Variants in HSPBAP1 observed in about 807,000 individuals in gnomAD.
HSPBAP1 encodes the protein HSPB1 associated protein 1.
Under a neutral mutation model 45.2 loss-of-function variants are expected in HSPBAP1, and 27 were observed. That is an observed-to-expected ratio of 0.60 (90% confidence interval 0.44 to 0.82). HSPBAP1 has a LOEUF of 0.82. Ranked by LOEUF, HSPBAP1 falls within the 40% of genes least tolerant of loss-of-function variation. The probability of loss-of-function intolerance (pLI) is 0.00; values close to 1 mark genes in which losing one functional copy is unlikely to be tolerated. For missense variants in HSPBAP1, 510 were observed against 590.9 expected, an observed-to-expected ratio of 0.86 and a Z score of 1.42; for synonymous variants, 204 against 202.7, an observed-to-expected ratio of 1.01 and a Z score of -0.06.
chr3:122,781,082 G>A (rs10238812), intron 1 of HSPBAP1, among the ~76,000 whole-genome samples: 14,779 of 150,876 alleles, frequency 0.098, 735 homozygotes, highest in East Asian at 0.12. Context: ...TGGGCAGCCG[G>A]GCAGAGGGGC....
At chr3:122,759,177 T>C (rs376674251) in intron 4 of HSPBAP1, 47 bp downstream of exon 4, 121 of 1,450,600 alleles carry the variant, frequency 8.3e-5, no homozygotes, top group Non-Finnish European at 1.1e-4. Flanking sequence ...TGCATGCACA[T>C]GTGCGTTCCA....
intron 2 of HSPBAP1, among the ~76,000 whole-genome samples, chr3:122,769,480 G>A (rs1014507307): frequency 2.0e-5 from 3 of 152,050 alleles, no homozygotes; most frequent in African/African-American, 7.2e-5. Flanking sequence ...TGGAGTCAGT[G>A]GATTGACACA....
chr3:122,754,639 T>C, intron 5 of HSPBAP1: 1 of 985,206 alleles, frequency 1.0e-6, no homozygotes, highest in Non-Finnish European at 1.2e-6. Flanking sequence ...GAATAAAATC[T>C]TCTTAAGTGA....
Position 122,793,664 on chromosome 3 carries a change from T to C in HSPBAP1, c.17A>G (p.Glu6Gly), listed in dbSNP as rs772919480. The part of the protein sequence containing the change: MAAGS[E>G]ATTPVIVAAG... ...CGCAACGATCACAGGAGTGGTCGCC[T>C]CGGAGCCTGCTGCCATGGCTACCGC... Residue 6 changes from glutamate to glycine, a missense_variant, in exon 1 of 8, where the codon GAG becomes GGG. Physicochemically the swap from Glu to Gly is moderately conservative, Grantham distance 98. Coordinates refer to ENST00000306103, the MANE Select transcript of HSPBAP1 (RefSeq NM_024610.6). 1 of 1,613,844 alleles carries C rather than the reference T, an allele frequency of 6.2e-7. No homozygotes were observed. Among genetic ancestry groups the C allele is most frequent in the Non-Finnish European group, 8.5e-7 (1 of 1,179,996 alleles).
intron 1 of HSPBAP1, among the ~76,000 whole-genome samples, chr3:122,792,781 G>T (rs369315206): frequency 6.6e-6 from 1 of 151,650 alleles, no homozygotes; most frequent in Admixed American, 6.6e-5. Context: ...TGAGGCAGAA[G>T]AATTGCTTGA....
At chr3:122,780,512 C>A (rs1935403352) in intron 1 of HSPBAP1, among the ~76,000 whole-genome samples, 1 of 133,852 alleles carries the variant, frequency 7.5e-6, no homozygotes. Flanking sequence ...GGGGGCTGAC[C>A]CCCCCACCTC....
intron 1 of HSPBAP1, among the ~76,000 whole-genome samples, chr3:122,778,955 T>C (rs572604599): frequency 1.3e-5 from 2 of 152,298 alleles, no homozygotes; most frequent in African/African-American, 4.8e-5. Flanking sequence ...ACCTATAAAA[T>C]TGTCTTTTCA....
chr3:122,746,671 CCT>C (rs1344693168), intron 6 of HSPBAP1, among the ~76,000 whole-genome samples: 2 of 150,456 alleles, frequency 1.3e-5, no homozygotes, highest in Non-Finnish European at 3.0e-5. Context: ...TCTCCCTCTC[CCT>C]CTCTTTCCAC....
At chr3:122,781,488 G>A (rs1380963996) in intron 1 of HSPBAP1, among the ~76,000 whole-genome samples, 1 of 152,164 alleles carries the variant, frequency 6.6e-6, no homozygotes, top group African/African-American at 2.4e-5. Flanking sequence ...AGGTTGCAGT[G>A]AGCCGAGATG....
rs1478711338 is a variant in HSPBAP1, at chr3:122,774,554, G to C, written c.250+3167C>G. On this transcript the variant is annotated intron_variant, in intron 2 of 7. Coordinates refer to ENST00000306103, the MANE Select transcript of HSPBAP1 (RefSeq NM_024610.6). ...TTGGTCTTTAGCCTAAGCGTAACTG[G>C]AAGCCATTTAAGTGTTTTAAGCAGA... Among the ~76,000 whole-genome samples, 6 of 152,280 alleles carry C rather than the reference G, an allele frequency of 3.9e-5. No individual in the cohort carries two copies. In the East Asian group the frequency reaches 1.2e-3, roughly 29 times the overall value.
intron 6 of HSPBAP1, among the ~76,000 whole-genome samples, chr3:122,747,935 A>G (rs966035320): frequency 3.3e-5 from 5 of 152,198 alleles, no homozygotes; most frequent in Non-Finnish European, 5.9e-5. Context: ...TTTGTGGAAT[A>G]GAAAGGGGGG....
chr3:122,765,774 G>A (rs994931834), intron 3 of HSPBAP1, among the ~76,000 whole-genome samples: 1 of 151,990 alleles, frequency 6.6e-6, no homozygotes, highest in Admixed American at 6.6e-5. Flanking sequence ...TTTCCAAATG[G>A]TCCATGAATA....
intron 1 of HSPBAP1, among the ~76,000 whole-genome samples, chr3:122,788,065 A>G (rs1935709189): frequency 1.3e-5 from 2 of 152,160 alleles, no homozygotes; most frequent in Admixed American, 6.5e-5. Context: ...ATCAATACCA[A>G]TGCTTGGTGT....
intron 1 of HSPBAP1, among the ~76,000 whole-genome samples, chr3:122,780,247 C>G (rs1935378253): frequency 1.2e-5 from 1 of 85,166 alleles, no homozygotes; most frequent in Admixed American, 1.0e-4. Context: ...GACCCCCCCA[C>G]CTCCCTCCCG....
In HSPBAP1 at chr3:122,777,903, T is replaced by C; in HGVS notation, c.68A>G (p.Glu23Gly). 1.9e-6 allele frequency: 3 copies of C among 1,609,836 alleles called. No individual in the cohort carries two copies. Among genetic ancestry groups the C allele is most frequent in the South Asian group, 2.2e-5 (2 of 90,700 alleles). The change falls in exon 2 of 8, where the codon GAA (glutamate) becomes GGA (glycine). Residue 23 changes from glutamate to glycine, a missense_variant. Transcript: ENST00000306103. ...CTCTGGCTTAAAAGGTTTGACATGTTCACCTAGAAAGAGAAATGAATACAG... is the reference window on the plus strand; with the variant it reads ...CTCTGGCTTAAAAGGTTTGACATGTCCACCTAGAAAGAGAAATGAATACAG... ...VAAGAGGEEG[E>G]HVKPFKPEKA...
At chr3:122,747,385 G>A (rs1244010471) in intron 6 of HSPBAP1, among the ~76,000 whole-genome samples, 37 of 148,074 alleles carry the variant, frequency 2.5e-4, no homozygotes, top group East Asian at 1.1e-3. Flanking sequence ...CCTGGCAACC[G>A]CCCCATCTGA....
intron 6 of HSPBAP1, among the ~76,000 whole-genome samples, chr3:122,742,928 A>G (rs1933718722): frequency 6.6e-6 from 1 of 152,208 alleles, no homozygotes; most frequent in African/African-American, 2.4e-5. Context: ...AGATATCTAC[A>G]TTTACGTACA....
intron 2 of HSPBAP1, among the ~76,000 whole-genome samples, chr3:122,772,783 G>C (rs573306156): frequency 3.0e-4 from 45 of 152,142 alleles, no homozygotes; most frequent in Admixed American, 2.6e-4. Flanking sequence ...AAACTGTGAA[G>C]CTAAAATGAG....
At chr3:122,748,137 T>A (rs1314925404) in intron 6 of HSPBAP1, among the ~76,000 whole-genome samples, 8 of 152,306 alleles carry the variant, frequency 5.3e-5, no homozygotes, top group Non-Finnish European at 1.0e-4. Context: ...TTAAATGGAT[T>A]AAGGGTGGTG....
Sources: gnomAD v4.1 joint callset for allele counts (sites outside exome capture counted in the v4.1 genomes callset) on GRCh38, gnomAD v4.1.1 for gene constraint, MANE v1.5 for transcripts, NCBI Gene and HGNC (gene_info 2026-07-23, HGNC 2026-07-21) for gene names.